The following PXDNL variants were observed in gnomAD, a reference collection of about 807,000 sequenced individuals.
PXDNL encodes the protein peroxidasin like.
Under a neutral mutation model 150.8 loss-of-function variants are expected in PXDNL, and 145 were observed. The ratio of observed to expected loss-of-function variants is 0.96; its 90% CI spans 0.84 to 1.10. The LOEUF (loss-of-function observed/expected upper bound fraction) is 1.10, where lower values mean the gene tolerates loss of function less well. Ranked by LOEUF, PXDNL falls within the 50% of genes least tolerant of loss-of-function variation. The pLI, the probability that PXDNL is intolerant of heterozygous loss-of-function variation, is 0.00. For synonymous variants in PXDNL, 757 were observed against 725.7 expected, an observed-to-expected ratio of 1.04 and a Z score of -0.69; for missense variants, 2,087 against 1,873.9, an observed-to-expected ratio of 1.11 and a Z score of -2.10.
At chr8:51,741,292 G>A in intron 1 of PXDNL, among the ~76,000 whole-genome samples, 1 of 152,096 alleles carries the variant, frequency 6.6e-6, no homozygotes, top group Admixed American at 6.5e-5. Flanking sequence ...TATACAATTA[G>A]TGTGTAGAAG....
Position 51,381,841 on chromosome 8 carries a change from C to T in PXDNL, c.3558-7110G>A, listed in dbSNP as rs560082739. The stretch of plus-strand genomic sequence containing the variant: ...CTAATTTTTTTTTTTTGACCAGAGG[C>T]CCAAAAGATATGATTTAATAAGAAA... On this transcript the variant is annotated intron_variant, in intron 17 of 22. Coordinates refer to ENST00000356297, the MANE Select transcript of PXDNL (RefSeq NM_144651.5). Among the ~76,000 whole-genome samples the T allele has an allele frequency of 6.6e-5, 10 of 150,972 alleles. No homozygotes were observed. The East Asian group carries it at 1.9e-3, about 29-fold the overall frequency.
intron 2 of PXDNL, among the ~76,000 whole-genome samples, chr8:51,623,732 C>A (rs1204542201): frequency 2.0e-5 from 3 of 152,100 alleles, no homozygotes; most frequent in Non-Finnish European, 4.4e-5. Flanking sequence ...TATTTCCATT[C>A]TTTTGCTGTT....
At chr8:51,632,557 G>T (rs548958346) in intron 2 of PXDNL, among the ~76,000 whole-genome samples, 45 of 152,280 alleles carry the variant, frequency 3.0e-4, no homozygotes, top group Admixed American at 1.4e-3. Context: ...AACTATGATT[G>T]CATTACTGCC....
intron 1 of PXDNL, among the ~76,000 whole-genome samples, chr8:51,665,997 C>G (rs1036928968): frequency 3.9e-5 from 6 of 152,168 alleles, no homozygotes; most frequent in Non-Finnish European, 5.9e-5. Flanking sequence ...TTTGCTTTAT[C>G]TCTTACACCG....
intron 3 of PXDNL, among the ~76,000 whole-genome samples, chr8:51,586,582 A>G (rs1043402879): frequency 6.6e-6 from 1 of 152,186 alleles, no homozygotes; most frequent in Non-Finnish European, 1.5e-5. Context: ...TCAAGCTTAC[A>G]CTATTAAAGG....
intron 1 of PXDNL, among the ~76,000 whole-genome samples, chr8:51,688,058 T>G (rs1201824318): frequency 6.6e-6 from 1 of 152,196 alleles, no homozygotes. Context: ...TACAAGAAAA[T>G]ATAGATTTCC....
At chr8:51,653,427 A>C (rs1399661817) in intron 2 of PXDNL, among the ~76,000 whole-genome samples, 1 of 152,144 alleles carries the variant, frequency 6.6e-6, no homozygotes, top group Non-Finnish European at 1.5e-5. Flanking sequence ...CAAAGAAAAA[A>C]ATAATAATAA....
chr8:51,680,026 T>C (rs1815708042), intron 1 of PXDNL, among the ~76,000 whole-genome samples: 1 of 152,246 alleles, frequency 6.6e-6, no homozygotes, highest in Admixed American at 6.5e-5. Context: ...GCTACTTCTA[T>C]TCCTATCACT....
chr8:51,796,790 T>C (rs2037566064), intron 1 of PXDNL, among the ~76,000 whole-genome samples: 1 of 152,106 alleles, frequency 6.6e-6, no homozygotes, highest in South Asian at 2.1e-4. Flanking sequence ...TTCCAAACAA[T>C]TGAAAAGGAA....
chr8:51,451,310 A>G (rs1809804325), intron 10 of PXDNL, among the ~76,000 whole-genome samples: 1 of 152,188 alleles, frequency 6.6e-6, no homozygotes, highest in African/African-American at 2.4e-5. Flanking sequence ...GTCAATTTAC[A>G]TTTGTTTCTA....
At chr8:51,782,210 A>C (rs1421719611) in intron 1 of PXDNL, among the ~76,000 whole-genome samples, 1 of 152,166 alleles carries the variant, frequency 6.6e-6, no homozygotes, top group African/African-American at 2.4e-5. Context: ...TCCAGCAAAT[A>C]GAGCAGTGTT....
chr8:51,533,697 G>A (rs1811967661), intron 4 of PXDNL, among the ~76,000 whole-genome samples: 1 of 151,002 alleles, frequency 6.6e-6, no homozygotes, highest in Admixed American at 6.6e-5. Flanking sequence ...GTGTTGGCCG[G>A]GCTGGTCTCC....
chr8:51,442,501 G>A (rs536668077), intron 12 of PXDNL, among the ~76,000 whole-genome samples: 2 of 151,916 alleles, frequency 1.3e-5, no homozygotes, highest in African/African-American at 4.8e-5. Context: ...AATGAGTTCA[G>A]TAGACCTATT....
At chr8:51,426,891 G>T in intron 12 of PXDNL, 133 bp from the exon 13 acceptor site, 2 of 585,548 alleles carry the variant, frequency 3.4e-6, no homozygotes, top group South Asian at 2.1e-5. Context: ...CAATTACTTG[G>T]ACGTCTAGGG....
At chr8:51,416,617 T>C (rs1402323453) in intron 14 of PXDNL, among the ~76,000 whole-genome samples, 1 of 152,254 alleles carries the variant, frequency 6.6e-6, no homozygotes, top group Non-Finnish European at 1.5e-5. Flanking sequence ...ACGATTAATG[T>C]GTTTTAAAAC....
At chr8:51,737,032 T>C (rs1817052540) in intron 1 of PXDNL, among the ~76,000 whole-genome samples, 1 of 152,182 alleles carries the variant, frequency 6.6e-6, no homozygotes, top group Non-Finnish European at 1.5e-5. Context: ...AAACTAATTT[T>C]CAAAATGTAC....
intron 2 of PXDNL, among the ~76,000 whole-genome samples, chr8:51,602,154 C>T (rs1813738310): frequency 6.6e-6 from 1 of 151,664 alleles, no homozygotes; most frequent in South Asian, 2.1e-4. Flanking sequence ...TGACTATACG[C>T]CTTGGTGATG....
In PXDNL at chr8:51,760,845, C is replaced by CTTTTTTTTTTTTTTTTTTT. The variant is rs71237237; in HGVS notation, c.164+48317_164+48335dup. On this transcript the variant is annotated intron_variant, in intron 1 of 22. Coordinates refer to ENST00000356297, the MANE Select transcript of PXDNL (RefSeq NM_144651.5). ...GTTAGCCTGAAGGAAATCACTTAAA[C>CTTTTTTTTTTTTTTTTTTT]TTTTTTTTTTTTTTTTTTTTTTTTT... 1.3e-3 allele frequency among the ~76,000 whole-genome samples: 60 copies of CTTTTTTTTTTTTTTTTTTT among 45,492 alleles called. 20 individuals are homozygous for CTTTTTTTTTTTTTTTTTTT. Among genetic ancestry groups the CTTTTTTTTTTTTTTTTTTT allele is most frequent in the East Asian group, 3.1e-3 (3 of 954 alleles). 29.8% of individuals were successfully genotyped at this position (45,492 alleles called of 152,430 possible). A position where few individuals can be genotyped will look rare whatever the true frequency, so the allele number is the denominator to read the frequency against.
chr8:51,526,981 T>G (rs1585550533), intron 4 of PXDNL, among the ~76,000 whole-genome samples: 1 of 152,212 alleles, frequency 6.6e-6, no homozygotes, highest in Non-Finnish European at 1.5e-5. Flanking sequence ...CTCTTCACCC[T>G]CCTTCCCACT....
Sources: gnomAD v4.1 joint callset for allele counts (sites outside exome capture counted in the v4.1 genomes callset) on GRCh38, gnomAD v4.1.1 for gene constraint, MANE v1.5 for transcripts, NCBI Gene and HGNC (gene_info 2026-07-23, HGNC 2026-07-21) for gene names.